The following CCDC83 variants were observed in gnomAD, a reference collection of about 807,000 sequenced individuals.
The protein encoded by CCDC83 is coiled-coil domain-containing protein 83.
Under a neutral mutation model 50.1 loss-of-function variants are expected in CCDC83, and 54 were observed. That is an observed-to-expected ratio of 1.08 (90% CI 0.87 to 1.35). CCDC83 has a LOEUF of 1.35. CCDC83 is among the 40% of genes most tolerant of loss of function. The pLI, the probability that CCDC83 is intolerant of heterozygous loss-of-function variation, is 0.00. For synonymous variants in CCDC83, 161 were observed against 153.3 expected (o/e 1.05, Z -0.37); for missense variants, 518 against 473.9 (o/e 1.09, Z -0.86).
At chr11:85,875,504 C>T (rs973799983) in intron 3 of CCDC83, among the ~76,000 whole-genome samples, 6 of 152,192 alleles carry the variant, frequency 3.9e-5, no homozygotes. Flanking sequence ...TCCTGGAATG[C>T]TTTTTTCTTG....
intron 3 of CCDC83, among the ~76,000 whole-genome samples, chr11:85,873,781 A>G (rs1017931698): frequency 6.6e-6 from 1 of 152,220 alleles, no homozygotes; most frequent in Admixed American, 6.5e-5. Flanking sequence ...AATGAATATC[A>G]AAAAGGTGCT....
intron 3 of CCDC83, among the ~76,000 whole-genome samples, 159 bp downstream of exon 3, chr11:85,873,454 G>A (rs955806318): frequency 6.6e-6 from 1 of 152,118 alleles, no homozygotes; most frequent in Admixed American, 6.5e-5. Context: ...ATACATGTGA[G>A]GCAGAAGGAT....
At chr11:85,872,787 T>C (rs1333419734) in intron 2 of CCDC83, among the ~76,000 whole-genome samples, 2 of 152,196 alleles carry the variant, frequency 1.3e-5, no homozygotes, top group African/African-American at 4.8e-5. Flanking sequence ...CTTGAACCAA[T>C]AGGCATGCCT....
chr11:85,884,859 T>C (rs1018803078), intron 4 of CCDC83, among the ~76,000 whole-genome samples: 43 of 152,234 alleles, frequency 2.8e-4, no homozygotes, highest in Non-Finnish European at 2.8e-4. Context: ...ATCTGGCTTA[T>C]AGTAGTACTG....
chr11:85,901,183 A>G (rs60737637), intron 7 of CCDC83, among the ~76,000 whole-genome samples: 1,549 of 152,270 alleles, frequency 0.01, 20 homozygotes, highest in African/African-American at 0.03. Context: ...CCTAGGCAAC[A>G]TGGTGAAACT....
intron 10 of CCDC83, among the ~76,000 whole-genome samples, chr11:85,917,162 G>GAAAAAGAAAGAAAGAAAGAAAGAAAGAA (rs1474775065): frequency 4.6e-5 from 3 of 65,820 alleles, no homozygotes; most frequent in African/African-American, 1.6e-4. Context: ...GAGAGAGAGA[G>GAAAAAGAAAGAAAGAAAGAAAGAAAGAA]AGAGAGAAAG....
At chr11:85,913,737 T>C (rs1317031996) in intron 8 of CCDC83, among the ~76,000 whole-genome samples, 6 of 152,180 alleles carry the variant, frequency 3.9e-5, no homozygotes, top group African/African-American at 7.2e-5. Flanking sequence ...GTTTGACACA[T>C]TGGGGCAAAC....
At chr11:85,900,557 A>T (rs1462659785) in intron 7 of CCDC83, among the ~76,000 whole-genome samples, 1 of 152,142 alleles carries the variant, frequency 6.6e-6, no homozygotes, top group Non-Finnish European at 1.5e-5. Context: ...TCCTATTTAC[A>T]CAGTGGTGGG....
chr11:85,873,000 CA>C (rs150067941), intron 2 of CCDC83, among the ~76,000 whole-genome samples: 1 of 140,274 alleles, frequency 7.1e-6, no homozygotes, highest in Non-Finnish European at 1.6e-5. Flanking sequence ...ATTTTTTTTT[CA>C]AAAAAAAACA....
chr11:85,877,599 T>C (rs1157648862), intron 3 of CCDC83, among the ~76,000 whole-genome samples: 2 of 152,234 alleles, frequency 1.3e-5, no homozygotes, highest in Non-Finnish European at 2.9e-5. Context: ...AAGTATTGTG[T>C]CAAGTATGGA....
intron 4 of CCDC83, among the ~76,000 whole-genome samples, chr11:85,883,201 A>AGCCACAAT (rs1407675969): frequency 6.6e-6 from 1 of 152,170 alleles, no homozygotes; most frequent in African/African-American, 2.4e-5. Context: ...TACAGGCGTG[A>AGCCACAAT]GCCACCATGC....
chr11:85,915,916 T>C (rs1412438086), intron 9 of CCDC83, 112 bp from the exon 10 acceptor site: 2 of 735,956 alleles, frequency 2.7e-6, no homozygotes, highest in Non-Finnish European at 4.6e-6. Flanking sequence ...AAATTCTACA[T>C]TTGCAATTCT....
At chr11:85,879,998 C>T (rs11234457) in intron 3 of CCDC83, among the ~76,000 whole-genome samples, 32,190 of 152,144 alleles carry the variant, frequency 0.21, 3,786 homozygotes, top group Middle Eastern at 0.22. Flanking sequence ...ATAGTCTTGA[C>T]TACTATAGCT....
chr11:85,890,998 G>GT (rs1264785972), intron 5 of CCDC83, among the ~76,000 whole-genome samples: 1 of 152,142 alleles, frequency 6.6e-6, no homozygotes, highest in Non-Finnish European at 1.5e-5. Flanking sequence ...CTTGTTGGGT[G>GT]TAACACAAAT....
intron 1 of CCDC83, among the ~76,000 whole-genome samples, chr11:85,856,487 G>A (rs1244752888): frequency 6.6e-6 from 1 of 152,100 alleles, no homozygotes; most frequent in Non-Finnish European, 1.5e-5. Context: ...ATGTAGTTCT[G>A]GTTACTAGAG....
At chr11:85,881,013 C>G (rs2093296491) in intron 3 of CCDC83, among the ~76,000 whole-genome samples, 1 of 152,148 alleles carries the variant, frequency 6.6e-6, no homozygotes, top group African/African-American at 2.4e-5. Flanking sequence ...TTGACTGCAA[C>G]CTGTCACATG....
Position 85,915,494 on chromosome 11 carries a change from T to C in CCDC83, c.870T>C (p.His290=), listed in dbSNP as rs1242131360. The change falls in exon 9 of 11, where the codon CAT becomes CAC. Residue 290 remains histidine, a synonymous_variant. Coordinates refer to ENST00000342404, the MANE Select transcript of CCDC83 (RefSeq NM_001286159.2). The part of the protein sequence containing the change: ...EEMSLELPET[H]IEEKSELQPT... ...TGTCTTTGGAATTGCCAGAAACACATATAGGTATTACTTTATTGCAATAAT... is the reference window on the plus strand; with the variant it reads ...TGTCTTTGGAATTGCCAGAAACACACATAGGTATTACTTTATTGCAATAAT... 6.3e-6 allele frequency: 10 copies of C among 1,599,908 alleles called. No individual in the cohort carries two copies. In the East Asian group the frequency reaches 1.6e-4, roughly 25 times the overall value.
intron 7 of CCDC83, among the ~76,000 whole-genome samples, chr11:85,899,569 T>C (rs2093391322): frequency 6.6e-6 from 1 of 152,230 alleles, no homozygotes; most frequent in African/African-American, 2.4e-5. Context: ...AATTTCTTTG[T>C]GAATCATTTT....
At chr11:85,916,371 C>T in intron 10 of CCDC83, 138 bp downstream of exon 10, 1 of 697,856 alleles carries the variant, frequency 1.4e-6, no homozygotes, top group East Asian at 2.6e-5. Flanking sequence ...GCCCACCATT[C>T]ACATCTCTCA....
Sources: gnomAD v4.1 joint callset for allele counts (sites outside exome capture counted in the v4.1 genomes callset) on GRCh38, gnomAD v4.1.1 for gene constraint, MANE v1.5 for transcripts, NCBI Gene and HGNC (gene_info 2026-07-23, HGNC 2026-07-21) for gene names.